Variants in PIGK observed in about 807,000 individuals in gnomAD.
PIGK encodes the protein phosphatidylinositol glycan anchor biosynthesis class K, also known as GPI-anchor transamidase.
PIGK carries 42 observed loss-of-function variants against 50.6 expected under a neutral mutation model. The observed-to-expected ratio is 0.83, with a 90% CI of 0.65 to 1.07. The LOEUF is 1.07. PIGK is among the 50% of genes least tolerant of loss of function. PIGK has a pLI of 0.00. For synonymous variants in PIGK, 151 were observed against 156.0 expected (o/e 0.97, Z 0.24); for missense variants, 448 against 488.7 (o/e 0.92, Z 0.78).
chr1:77,169,472 A>T, intron 3 of PIGK, 77 bp from the exon 4 acceptor site: 1 of 1,167,472 alleles, frequency 8.6e-7, no homozygotes, highest in Non-Finnish European at 1.2e-6. Flanking sequence ...TATATCATGT[A>T]GCTACTGTGT....
intron 10 of PIGK, among the ~76,000 whole-genome samples, chr1:77,109,652 T>C (rs1484490639): frequency 6.6e-6 from 1 of 152,132 alleles, no homozygotes; most frequent in East Asian, 1.9e-4. Context: ...ACAGCCAATA[T>C]CATACTGAAT....
intron 9 of PIGK, among the ~76,000 whole-genome samples, chr1:77,143,572 C>T (rs572392530): frequency 1.3e-5 from 2 of 151,986 alleles, no homozygotes; most frequent in South Asian, 4.1e-4. Context: ...TATAAACTGA[C>T]AATTCAATAT....
intron 5 of PIGK, among the ~76,000 whole-genome samples, chr1:77,164,350 T>C: frequency 6.6e-6 from 1 of 152,212 alleles, no homozygotes; most frequent in Admixed American, 6.5e-5. Flanking sequence ...GTGCTATTTG[T>C]ATGCAATCTA....
At chr1:77,172,781 G>A (rs61782910) in intron 3 of PIGK, among the ~76,000 whole-genome samples, 7,852 of 152,058 alleles carry the variant, frequency 0.052, 235 homozygotes, top group Middle Eastern at 0.088. Flanking sequence ...AAAATTAGCC[G>A]GGCGTGATGG....
intron 10 of PIGK, among the ~76,000 whole-genome samples, chr1:77,109,737 CAT>C (rs1653792280): frequency 1.3e-5 from 2 of 152,234 alleles, no homozygotes; most frequent in East Asian, 3.9e-4. Flanking sequence ...TCCTATTCAA[CAT>C]AGTGTTGGAA....
At chr1:77,112,663 T>C (rs562364170) in intron 10 of PIGK, among the ~76,000 whole-genome samples, 16 of 152,246 alleles carry the variant, frequency 1.1e-4, no homozygotes, top group African/African-American at 2.4e-4. Context: ...ACAGGATGCA[T>C]TGGGCATGAG....
intron 10 of PIGK, among the ~76,000 whole-genome samples, chr1:77,095,931 A>C (rs2100507001): frequency 6.6e-6 from 1 of 152,208 alleles, no homozygotes; most frequent in African/African-American, 2.4e-5. Context: ...TCCAAATAAA[A>C]AGGAAAAATT....
At chr1:77,217,651 C>G (rs758437447) in intron 1 of PIGK, among the ~76,000 whole-genome samples, 1 of 152,100 alleles carries the variant, frequency 6.6e-6, no homozygotes, top group Non-Finnish European at 1.5e-5. Context: ...AACAACGACT[C>G]AAGGCAAAAC....
chr1:77,179,191 A>C (rs1655555855), intron 3 of PIGK, among the ~76,000 whole-genome samples: 1 of 152,226 alleles, frequency 6.6e-6, no homozygotes, highest in Non-Finnish European at 1.5e-5. Flanking sequence ...CTACCTTTGC[A>C]AAACTCACTG....
chr1:77,153,462 T>C (rs1654938059), intron 9 of PIGK: 1 of 152,116 alleles, frequency 6.6e-6, no homozygotes, highest in South Asian at 2.1e-4. Context: ...AACAATTTAT[T>C]GCATATTTCA....
At chr1:77,209,321 AC>A (rs1471621558) in intron 2 of PIGK, among the ~76,000 whole-genome samples, 1 of 152,134 alleles carries the variant, frequency 6.6e-6, no homozygotes, top group Non-Finnish European at 1.5e-5. Flanking sequence ...AGGAATTAAA[AC>A]TACAAATTTC....
intron 10 of PIGK, among the ~76,000 whole-genome samples, chr1:77,121,921 C>T (rs953889924): frequency 6.6e-6 from 1 of 152,172 alleles, no homozygotes; most frequent in African/African-American, 2.4e-5. Flanking sequence ...CAAAAAATTA[C>T]TCTCAATGAT....
At chr1:77,180,609 G>A (rs1655588927) in intron 3 of PIGK, among the ~76,000 whole-genome samples, 1 of 145,274 alleles carries the variant, frequency 6.9e-6, no homozygotes, top group Non-Finnish European at 1.5e-5. Flanking sequence ...TAGAGCACAA[G>A]TTGGTTTTTA....
intron 10 of PIGK, among the ~76,000 whole-genome samples, chr1:77,096,859 A>T (rs1426766380): frequency 1.4e-5 from 2 of 146,178 alleles, no homozygotes; most frequent in Admixed American, 1.3e-4. Flanking sequence ...TCCCATCTCC[A>T]TACTTGTAGC....
intron 2 of PIGK, 111 bp downstream of exon 2, chr1:77,210,325 C>T: frequency 1.8e-6 from 1 of 548,134 alleles, no homozygotes; most frequent in Non-Finnish European, 3.2e-6. Flanking sequence ...TAAAGAATTT[C>T]TGATATAAAA....
intron 3 of PIGK, among the ~76,000 whole-genome samples, chr1:77,187,542 C>T (rs988349934): frequency 6.6e-6 from 1 of 152,158 alleles, no homozygotes; most frequent in Non-Finnish European, 1.5e-5. Flanking sequence ...AGTCAACAGG[C>T]TAATAAGGGA....
In PIGK at chr1:77,161,686, C is replaced by G. The variant is rs747692385; in HGVS notation, c.610G>C (p.Asp204His). The change falls in exon 7 of 11, where the codon GAT becomes CAT. Residue 204 changes from aspartate to histidine, a missense_variant. Physicochemically the swap from Asp to His is moderately conservative, Grantham distance 81. Coordinates refer to ENST00000370812, the MANE Select transcript of PIGK (RefSeq NM_005482.3). ...TACATGGATGCTCCTTGGCAAGTAT[C>G]AATAATAAACAGTAGCTCATTGTAG... ...RRYNELLFII[D>H]TCQGASMYER... The G allele has an allele frequency of 2.0e-6, 3 of 1,532,458 alleles. No individual in the cohort carries two copies. The East Asian group carries it at 6.8e-5, about 34-fold the overall frequency. The allele number at this position is 1,532,458 out of a possible 1,614,324, so 94.9% of individuals were successfully genotyped here.
At chr1:77,212,684 T>G (rs984187868) in intron 1 of PIGK, among the ~76,000 whole-genome samples, 15 of 152,106 alleles carry the variant, frequency 9.9e-5, no homozygotes, top group Non-Finnish European at 7.4e-5. Flanking sequence ...TAAAAGACTT[T>G]AAATCAAAAA....
At chr1:77,127,170 G>T (rs1422752876) in intron 9 of PIGK, among the ~76,000 whole-genome samples, 1 of 152,058 alleles carries the variant, frequency 6.6e-6, no homozygotes, top group Admixed American at 6.6e-5. Flanking sequence ...AATACTCCTG[G>T]CAAATTATGA....
Sources: allele counts gnomAD v4.1 joint callset (sites outside exome capture counted in the v4.1 genomes callset), GRCh38; gene constraint gnomAD v4.1.1; transcripts MANE v1.5; gene names NCBI Gene and HGNC (gene_info 2026-07-23, HGNC 2026-07-21).